Variants in SPAG17 observed in about 807,000 individuals in gnomAD.
SPAG17 encodes sperm-associated antigen 17.
In SPAG17, 169 loss-of-function variants were observed where a neutral mutation model predicts 273.6. The ratio of observed to expected loss-of-function variants is 0.62; its 90% CI spans 0.55 to 0.70. SPAG17 has a LOEUF of 0.70. SPAG17 is among the 30% of genes least tolerant of loss of function. The pLI is 0.00. For missense variants in SPAG17, 2,557 were observed against 2,627.8 expected (o/e 0.97, Z 0.59); for synonymous variants, 825 against 873.2 (o/e 0.94, Z 0.97).
At chr1:118,175,846 T>C (rs1660674565) in intron 1 of SPAG17, among the ~76,000 whole-genome samples, 1 of 152,210 alleles carries the variant, frequency 6.6e-6, no homozygotes, top group Admixed American at 6.5e-5. Flanking sequence ...GTAATTATGG[T>C]GTGCAATCAG....
intron 3 of SPAG17, among the ~76,000 whole-genome samples, chr1:118,135,699 G>A (rs1486836798): frequency 6.6e-6 from 1 of 152,170 alleles, no homozygotes. Context: ...GAGTAAACTT[G>A]TAAAACCTCA....
chr1:118,101,956 A>C, intron 4 of SPAG17, 30 bp from the exon 5 acceptor site: 1 of 1,581,862 alleles, frequency 6.3e-7, no homozygotes, highest in Non-Finnish European at 8.6e-7. Context: ...TTTTCTCCAA[A>C]TCAAACAGTG....
chr1:118,032,706 C>T (rs552910209), intron 24 of SPAG17, among the ~76,000 whole-genome samples: 56 of 152,064 alleles, frequency 3.7e-4, no homozygotes, highest in African/African-American at 1.2e-3. Context: ...ATTCTTGTGC[C>T]TCGGCCTCCT....
At chr1:118,080,951 C>T (rs1654503130) in intron 15 of SPAG17, 150 bp downstream of exon 15, 1 of 641,320 alleles carries the variant, frequency 1.6e-6, no homozygotes, top group African/African-American at 1.8e-5. Flanking sequence ...ATAAAGAGAA[C>T]TTATGGAACA....
intron 1 of SPAG17, among the ~76,000 whole-genome samples, chr1:118,175,026 T>C (rs1053734403): frequency 8.4e-3 from 2 of 238 alleles, no homozygotes; most frequent in African/African-American, 0.014. Context: ...GGACTCTTAT[T>C]TATTTATTTA....
chr1:118,112,813 A>G (rs1656853723), intron 4 of SPAG17, among the ~76,000 whole-genome samples: 1 of 152,136 alleles, frequency 6.6e-6, no homozygotes, highest in South Asian at 2.1e-4. Flanking sequence ...CTTTCTTGCA[A>G]AGCAGAAAGC....
At chr1:118,088,950 G>T (rs1251046216) in intron 10 of SPAG17, among the ~76,000 whole-genome samples, 2 of 152,186 alleles carry the variant, frequency 1.3e-5, no homozygotes, top group East Asian at 1.9e-4. Context: ...TATGTATTTA[G>T]TGTCTACTAT....
chr1:117,992,731 A>G, intron 35 of SPAG17, 83 bp from the exon 36 acceptor site: 1 of 1,193,146 alleles, frequency 8.4e-7, no homozygotes, highest in Non-Finnish European at 1.1e-6. Flanking sequence ...TTCATTTATT[A>G]CATAGATATC....
intron 18 of SPAG17, among the ~76,000 whole-genome samples, chr1:118,062,691 G>GT (rs1242363735): frequency 2.0e-5 from 3 of 151,954 alleles, no homozygotes; most frequent in South Asian, 2.1e-4. Context: ...TTTTAAAAAT[G>GT]TTTTTTCCCA....
chr1:118,015,669 G>C (rs1659886935), intron 29 of SPAG17, among the ~76,000 whole-genome samples: 1 of 152,092 alleles, frequency 6.6e-6, no homozygotes, highest in South Asian at 2.1e-4. Context: ...CTTAAAAATG[G>C]CATAGAGAAC....
rs114238051 is a variant in SPAG17, at chr1:118,076,964, C to T, written c.2210-2364G>A. The stretch of plus-strand genomic sequence containing the variant: ...TCTAAACCTCGCGGTTATCAACTCT[C>T]AGGTTTTTCATAAATATCCACTAGG... On this transcript the variant is annotated intron_variant, in intron 15 of 48. Coordinates refer to ENST00000336338, the MANE Select transcript of SPAG17 (RefSeq NM_206996.4). Among the ~76,000 whole-genome samples, 385 of 152,190 alleles carry T rather than the reference C, an allele frequency of 2.5e-3. 2 individuals carry two copies. The highest frequency in any genetic ancestry group is 8.9e-3 in the African/African-American group (369 of 41,534).
In SPAG17 at chr1:118,086,677, T is replaced by C. The variant is rs1418283181; in HGVS notation, c.1605A>G (p.Ala535=). ...YHDAHAHKKY[A]LQDQKNFDPV... Reference sequence around the variant, plus strand: ...CTAACCTGATTATTATTACCTGTAGTGCGTACTTCTTGTGGGCGTGTGCAT... The same window carrying C: ...CTAACCTGATTATTATTACCTGTAGCGCGTACTTCTTGTGGGCGTGTGCAT... Residue 535 remains alanine (A), a synonymous_variant, in exon 12 of 49, where the codon GCA becomes GCG. Coordinates refer to ENST00000336338, the MANE Select transcript of SPAG17 (RefSeq NM_206996.4). 3 of 1,614,030 alleles carry C rather than the reference T, an allele frequency of 1.9e-6. No homozygotes were observed. The highest frequency in any genetic ancestry group is 2.2e-5 in the East Asian group (1 of 44,892).
At chr1:117,974,846 A>T (rs138549336) in intron 43 of SPAG17, among the ~76,000 whole-genome samples, 106 of 152,334 alleles carry the variant, frequency 7.0e-4, no homozygotes, top group African/African-American at 2.5e-3. Flanking sequence ...TTGAGTGTCC[A>T]CGATCTGCAG....
chr1:118,059,629 A>C (rs1477620429), intron 18 of SPAG17, among the ~76,000 whole-genome samples: 1 of 152,106 alleles, frequency 6.6e-6, no homozygotes, highest in African/African-American at 2.4e-5. Flanking sequence ...ACATATTTAC[A>C]ATTGGTCTAT....
chr1:118,158,919 G>C (rs556842338), intron 1 of SPAG17, among the ~76,000 whole-genome samples: 1 of 152,234 alleles, frequency 6.6e-6, no homozygotes, highest in Non-Finnish European at 1.5e-5. Context: ...CAGTGGAAAA[G>C]GCTCCCCTAG....
At position 118,054,689 on chromosome 1, in the gene SPAG17, C is replaced by T. The variant is rs889634105; in HGVS notation, c.2723-596G>A. Among the ~76,000 whole-genome samples, 24 of 151,850 alleles carry T rather than the reference C, an allele frequency of 1.6e-4. 1 individual carries two copies. Among genetic ancestry groups the T allele is most frequent in the African/African-American group, 5.8e-4 (24 of 41,350 alleles). On this transcript the variant is annotated intron_variant, in intron 19 of 48. Coordinates refer to ENST00000336338, the MANE Select transcript of SPAG17 (RefSeq NM_206996.4). ...CATGAGTGTTAGAGGGCAGCCCTAC[C>T]CATTTTTTTAAAAAATATAGTCCTA...
rs150537341 is a variant in SPAG17, at chr1:118,065,808, A to G, written c.2540+937T>C. 2.4e-3 allele frequency among the ~76,000 whole-genome samples: 371 copies of G among 152,220 alleles called. 1 individual carries two copies. Among genetic ancestry groups the G allele is most frequent in the African/African-American group, 7.8e-3 (326 of 41,560 alleles). ...TAGTTTTTTTAACTTAATAAGGAAT[A>G]TTTACATAAATCCTAGAGCAAAAAA... On this transcript the variant is annotated intron_variant, in intron 18 of 48. Transcript: ENST00000336338.
At position 117,992,550 on chromosome 1, in the gene SPAG17, G is replaced by A. The variant is rs1459460732; in HGVS notation, c.5277C>T (p.Ser1759=). 1.9e-6 allele frequency: 3 copies of A among 1,613,612 alleles called. No individual in the cohort carries two copies. The highest frequency in any genetic ancestry group is 1.1e-5 in the South Asian group (1 of 91,060). Residue 1759 remains serine (S), a synonymous_variant, in exon 36 of 49, where the codon AGC becomes AGT. Coordinates refer to ENST00000336338, the MANE Select transcript of SPAG17 (RefSeq NM_206996.4). The stretch of plus-strand genomic sequence containing the variant: ...ATTGGCGCATCTGTAGCACACTGGG[G>A]CTCTTGAGTATGGCACCCGGGGCAC... ...LVSAPGAILK[S]PSVLQMRQFI...
At chr1:118,016,816 G>A (rs1329384651) in intron 28 of SPAG17, among the ~76,000 whole-genome samples, 2 of 152,158 alleles carry the variant, frequency 1.3e-5, no homozygotes, top group African/African-American at 4.8e-5. Flanking sequence ...AACAGGAGGA[G>A]AGAACTGAAG....
Sources: allele counts gnomAD v4.1 joint callset (sites outside exome capture counted in the v4.1 genomes callset), GRCh38; gene constraint gnomAD v4.1.1; transcripts MANE v1.5; gene names NCBI Gene and HGNC (gene_info 2026-07-23, HGNC 2026-07-21).